The following BCOR variants were observed in gnomAD, a reference collection of about 807,000 sequenced individuals.
The protein encoded by BCOR is BCL-6 corepressor.
In BCOR, 10 loss-of-function variants were observed where a neutral mutation model predicts 86.7. The ratio of observed to expected loss-of-function variants is 0.12; its 90% CI spans 0.07 to 0.20. The LOEUF (loss-of-function observed/expected upper bound fraction) is 0.20, where lower values mean the gene tolerates loss of function less well. Among genes scored for constraint, BCOR ranks in the 10% least tolerant of loss-of-function variants. The pLI is 1.00. For synonymous variants in BCOR, 611 were observed against 609.0 expected (o/e 1.00, Z -0.05); for missense variants, 1,259 against 1,452.1 (o/e 0.87, Z 2.16).
intron 1 of BCOR, among the ~76,000 whole-genome samples, chrX:40,091,524 G>C (rs1341902874): frequency 1.8e-5 from 2 of 112,676 alleles, no homozygotes; most frequent in Non-Finnish European, 3.8e-5. Flanking sequence ...ATGGAGGTGA[G>C]CTTGCGCCCC....
intron 1 of BCOR, among the ~76,000 whole-genome samples, chrX:40,125,861 G>A (rs1473524204): frequency 8.9e-6 from 1 of 111,834 alleles, no homozygotes; most frequent in Non-Finnish European, 1.9e-5. Context: ...TTAATGGCAA[G>A]CCTAGAGGGC....
chrX:40,051,884 T>C lies in BCOR; in HGVS notation c.*225A>G, dbSNP rs762132749. The C allele has an allele frequency of 4.2e-5, 13 of 309,641 alleles. No individual in the cohort carries two copies. Among genetic ancestry groups the C allele is most frequent in the South Asian group, 1.7e-4 (1 of 5,909 alleles). The allele number at this position is 309,641 out of a possible 1,213,427, so 25.5% of individuals were successfully genotyped here. On this transcript the variant is annotated 3_prime_UTR_variant, in exon 15 of 15. Coordinates refer to ENST00000378444, the MANE Select transcript of BCOR (RefSeq NM_001123385.2). Reference sequence around the variant, plus strand: ...AAACGTATCCCAAAGCATGTGTGCATTGAAAAGTAAAGAAACATTATAACA... The same window carrying C: ...AAACGTATCCCAAAGCATGTGTGCACTGAAAAGTAAAGAAACATTATAACA...
At chrX:40,122,485 T>C (rs1266632027) in intron 1 of BCOR, among the ~76,000 whole-genome samples, 1 of 112,182 alleles carries the variant, frequency 8.9e-6, no homozygotes, top group East Asian at 2.8e-4. Flanking sequence ...TAACGCACAG[T>C]AAGTACCCCA....
At chrX:40,131,255 C>A (rs899689941) in intron 1 of BCOR, among the ~76,000 whole-genome samples, 3 of 112,121 alleles carry the variant, frequency 2.7e-5, no homozygotes, top group African/African-American at 9.7e-5. Context: ...GACAGTGAAC[C>A]ACAGATCTTG....
At chrX:40,125,618 C>T (rs898564819) in intron 1 of BCOR, among the ~76,000 whole-genome samples, 2 of 111,884 alleles carry the variant, frequency 1.8e-5, no homozygotes, top group Non-Finnish European at 3.8e-5. Context: ...TATCATCCAG[C>T]ATCCCAGCTT....
At chrX:40,176,983 G>A (rs1290026930) in intron 1 of BCOR, 1 of 109,245 alleles carries the variant, frequency 9.2e-6, no homozygotes, top group African/African-American at 3.3e-5. Flanking sequence ...TTCCGGGTAG[G>A]AGAACTCAAA....
At chrX:40,095,279 G>A (rs1233710656) in intron 1 of BCOR, among the ~76,000 whole-genome samples, 2 of 112,023 alleles carry the variant, frequency 1.8e-5, no homozygotes, top group Non-Finnish European at 1.9e-5. Flanking sequence ...TTCCCTAAGT[G>A]TCCACGTACA....
At chrX:40,102,431 C>A (rs1340452516), upstream of BCOR, among the ~76,000 whole-genome samples, 2 of 113,786 alleles carry the variant, frequency 1.8e-5, no homozygotes, top group Non-Finnish European at 3.7e-5. Context: ...CCGCCTCTTG[C>A]GCTCGGCAAG....
chrX:40,055,166 C>A (rs1277293598), intron 12 of BCOR, among the ~76,000 whole-genome samples: 1 of 112,330 alleles, frequency 8.9e-6, no homozygotes, highest in Non-Finnish European at 1.9e-5. Flanking sequence ...TTTAGGAAAT[C>A]TTTTAAAACA....
At chrX:40,065,553 G>A (rs905982509) in intron 6 of BCOR, among the ~76,000 whole-genome samples, 16 of 112,399 alleles carry the variant, frequency 1.4e-4, no homozygotes, top group African/African-American at 4.5e-4. Flanking sequence ...GGCCTATCAC[G>A]GGCCTTGGGG....
intron 1 of BCOR, among the ~76,000 whole-genome samples, chrX:40,141,139 G>A (rs1016336375): frequency 8.9e-6 from 1 of 112,443 alleles, no homozygotes; most frequent in Non-Finnish European, 1.9e-5. Flanking sequence ...CTGGGGCTTG[G>A]GCTTGCTCTG....
chrX:40,129,809 G>A (rs1010024409), intron 1 of BCOR, among the ~76,000 whole-genome samples: 3 of 111,294 alleles, frequency 2.7e-5, no homozygotes, highest in African/African-American at 6.5e-5. Context: ...GGGAGGCTGA[G>A]GCAAGCGGAT....
At chrX:40,157,984 G>A (rs755007565) in intron 1 of BCOR, among the ~76,000 whole-genome samples, 13 of 112,585 alleles carry the variant, frequency 1.2e-4, no homozygotes, top group African/African-American at 4.2e-4. Flanking sequence ...TGTTTTTACG[G>A]GGCATGAAGC....
intron 6 of BCOR, among the ~76,000 whole-genome samples, chrX:40,069,691 TG>T (rs1286567245): frequency 8.9e-6 from 1 of 112,389 alleles, no homozygotes; most frequent in African/African-American, 3.2e-5. Flanking sequence ...TCCCAAGAGC[TG>T]GTGTTGAGGC....
chrX:40,064,735 TCA>T, intron 6 of BCOR, 136 bp from the exon 7 acceptor site: 1 of 686,157 alleles, frequency 1.5e-6, no homozygotes, highest in Non-Finnish European at 2.2e-6. Context: ...ACTGGGGTCC[TCA>T]CACATGGTTA....
chrX:40,103,128 G>A lies in BCOR; in HGVS notation c.-40-25159C>T, dbSNP rs775074028. Among the ~76,000 whole-genome samples the A allele has an allele frequency of 5.3e-4, 59 of 110,769 alleles. 1 individual carries two copies. The highest frequency in any genetic ancestry group is 1.8e-3 in the African/African-American group (54 of 30,329). On this transcript the variant is annotated intron_variant, in intron 1 of 14. Coordinates refer to the BCOR transcript ENST00000342274. ...TGGGGGGGCTCAGGGTGGTTTGTGTGGTGCGGCCTGACAGAACCTTCTGTG... is the reference window on the plus strand; with the variant it reads ...TGGGGGGGCTCAGGGTGGTTTGTGTAGTGCGGCCTGACAGAACCTTCTGTG...
upstream of BCOR, among the ~76,000 whole-genome samples, chrX:40,101,891 T>C (rs1569179116): frequency 1.8e-5 from 2 of 112,600 alleles, no homozygotes; most frequent in East Asian, 5.6e-4. Context: ...AATGTATTTT[T>C]ACATAATGTG....
At chrX:40,118,252 C>A (rs1290214284) in intron 1 of BCOR, among the ~76,000 whole-genome samples, 2 of 109,483 alleles carry the variant, frequency 1.8e-5, no homozygotes, top group African/African-American at 6.7e-5. Context: ...TCAAGACATT[C>A]TTTTATTTAT....
chrX:40,118,270 A>AT (rs1937428141), intron 1 of BCOR, among the ~76,000 whole-genome samples: 1 of 107,773 alleles, frequency 9.3e-6, no homozygotes, highest in African/African-American at 3.4e-5. Flanking sequence ...TATTTTATTT[A>AT]TTTTTTTCTG....
Sources: allele counts gnomAD v4.1 joint callset (sites outside exome capture counted in the v4.1 genomes callset), GRCh38; gene constraint gnomAD v4.1.1; transcripts MANE v1.5; gene names NCBI Gene and HGNC (gene_info 2026-07-23, HGNC 2026-07-21).